The following MACROD2 variants were observed in gnomAD, a reference collection of about 807,000 sequenced individuals.
MACROD2 encodes the protein ADP-ribose glycohydrolase MACROD2.
MACROD2 carries 36 observed loss-of-function variants against 70.4 expected under a neutral mutation model. That is an observed-to-expected ratio of 0.51 (90% CI 0.39 to 0.68). The LOEUF is 0.68. Ranked by LOEUF, MACROD2 falls within the 30% of genes least tolerant of loss-of-function variation. The pLI is 0.00. For missense variants in MACROD2, 496 were observed against 538.4 expected (o/e 0.92, Z 0.78); for synonymous variants, 172 against 178.8 (o/e 0.96, Z 0.30).
rs143253154 is a variant in MACROD2, at chr20:14,514,131, T to C, written c.301+20623T>C. Among the ~76,000 whole-genome samples, 623 of 152,122 alleles carry C rather than the reference T, an allele frequency of 4.1e-3. 3 individuals carry two copies. Among genetic ancestry groups the C allele is most frequent in the African/African-American group, 0.014 (565 of 41,454 alleles). On this transcript the variant is annotated intron_variant, in intron 4 of 17. Transcript: ENST00000684519. ...CAAAATTTCTAGCCTCATTACACTG[T>C]GAGAGACTTAGGACCAGGGGCAGAA... is the stretch of plus-strand genomic sequence containing the variant.
chr20:15,752,293 T>TTTA (rs142009114), intron 8 of MACROD2, among the ~76,000 whole-genome samples: 2,417 of 151,270 alleles, frequency 0.016, 61 homozygotes, highest in African/African-American at 0.051. Flanking sequence ...AACTGCAACC[T>TTTA]TTATTATTAT....
At chr20:15,991,871 A>C (rs529677027) in intron 15 of MACROD2, among the ~76,000 whole-genome samples, 8 of 152,130 alleles carry the variant, frequency 5.3e-5, no homozygotes, top group African/African-American at 1.9e-4. Flanking sequence ...GGTTTTATGA[A>C]TATTTTAGTA....
At chr20:14,749,059 CTT>C (rs1471569701) in intron 5 of MACROD2, among the ~76,000 whole-genome samples, 1 of 152,082 alleles carries the variant, frequency 6.6e-6, no homozygotes, top group African/African-American at 2.4e-5. Context: ...GTCTTTTCCT[CTT>C]TGTGTTTTGT....
At chr20:14,216,700 T>C (rs747785829) in intron 3 of MACROD2, among the ~76,000 whole-genome samples, 1 of 152,136 alleles carries the variant, frequency 6.6e-6, no homozygotes, top group African/African-American at 2.4e-5. Context: ...TTTTGTAGGT[T>C]TCCTTGTAGA....
At chr20:15,236,324 A>G (rs1203901082) in intron 6 of MACROD2, among the ~76,000 whole-genome samples, 2 of 152,174 alleles carry the variant, frequency 1.3e-5, no homozygotes. Flanking sequence ...GCATGGAATG[A>G]TAGTAAATTC....
intron 2 of MACROD2, among the ~76,000 whole-genome samples, chr20:14,027,819 C>G (rs1456681950): frequency 6.6e-6 from 1 of 152,100 alleles, no homozygotes; most frequent in Non-Finnish European, 1.5e-5. Flanking sequence ...CAGATGCCAG[C>G]CGGAGCTCTC....
chr20:14,751,874 G>T (rs951667284), intron 5 of MACROD2, among the ~76,000 whole-genome samples: 5 of 152,018 alleles, frequency 3.3e-5, no homozygotes, highest in Non-Finnish European at 7.4e-5. Context: ...GAAGAACTGG[G>T]GCCAAGAACA....
chr20:15,572,001 C>G (rs1000897104), intron 8 of MACROD2, among the ~76,000 whole-genome samples: 6 of 152,072 alleles, frequency 3.9e-5, no homozygotes, highest in Admixed American at 2.0e-4. Flanking sequence ...CAGCTATTAA[C>G]ATCCCCTGGA....
At position 14,594,737 on chromosome 20, in the gene MACROD2, C is replaced by T. The variant is rs140343646; in HGVS notation, c.302-90106C>T. ...TGAAACCCTGTCTCTATTAAAAATA[C>T]AAAAATTAGCCGGGCATGGTAGGGT... On this transcript the variant is annotated intron_variant, in intron 4 of 17. Transcript: ENST00000684519. Among the ~76,000 whole-genome samples, 168 of 152,176 alleles carry T rather than the reference C, an allele frequency of 1.1e-3. 1 individual carries two copies. The highest frequency in any genetic ancestry group is 3.8e-3 in the African/African-American group (158 of 41,516).
At chr20:15,672,392 GTCAT>G (rs1555858341) in intron 8 of MACROD2, among the ~76,000 whole-genome samples, 1 of 131,288 alleles carries the variant, frequency 7.6e-6, no homozygotes, top group Non-Finnish European at 1.7e-5. Context: ...CACACGTAGA[GTCAT>G]TCATTCACTC....
At chr20:14,359,914 C>T (rs2083206039) in intron 3 of MACROD2, among the ~76,000 whole-genome samples, 2 of 151,520 alleles carry the variant, frequency 1.3e-5, no homozygotes, top group Non-Finnish European at 2.9e-5. Flanking sequence ...GAATACTATT[C>T]AGCTTTGAAA....
chr20:15,219,184 T>C (rs1178883951), intron 5 of MACROD2, among the ~76,000 whole-genome samples: 1 of 152,262 alleles, frequency 6.6e-6, no homozygotes, highest in Non-Finnish European at 1.5e-5. Flanking sequence ...ATAAAATAGT[T>C]AATGATGTTG....
intron 3 of MACROD2, among the ~76,000 whole-genome samples, chr20:14,269,925 T>C (rs1276698492): frequency 1.3e-5 from 2 of 152,104 alleles, no homozygotes; most frequent in African/African-American, 4.8e-5. Context: ...TGGGAAAAAT[T>C]CTTGTTATTG....
At chr20:15,207,486 A>G (rs1267985969) in intron 5 of MACROD2, among the ~76,000 whole-genome samples, 1 of 119,074 alleles carries the variant, frequency 8.4e-6, no homozygotes, top group Non-Finnish European at 1.6e-5. Context: ...TCTGTTGGCC[A>G]GGCTGCAGTG....
At position 14,589,506 on chromosome 20, in the gene MACROD2, G is replaced by T. The variant is rs561382085; in HGVS notation, c.302-95337G>T. On this transcript the variant is annotated intron_variant, in intron 4 of 17. Coordinates refer to ENST00000684519, the MANE Select transcript of MACROD2 (RefSeq NM_001351661.2). Reference sequence around the variant, plus strand: ...TTTATACTTGCTTTTTGTTATCCTTGTCTGTTATACTATTATATTTTCCAG... The same window carrying T: ...TTTATACTTGCTTTTTGTTATCCTTTTCTGTTATACTATTATATTTTCCAG... 2.0e-4 allele frequency among the ~76,000 whole-genome samples: 30 copies of T among 152,050 alleles called. No individual in the cohort carries two copies. The South Asian group carries it at 6.2e-3, about 32-fold the overall frequency.
At chr20:15,362,274 A>G (rs1404585977) in intron 6 of MACROD2, among the ~76,000 whole-genome samples, 8 of 152,022 alleles carry the variant, frequency 5.3e-5, no homozygotes, top group African/African-American at 1.9e-4. Context: ...AATTACAGGC[A>G]TGAACCACCG....
intron 5 of MACROD2, among the ~76,000 whole-genome samples, chr20:15,210,309 G>A (rs374042265): frequency 1.7e-3 from 253 of 152,294 alleles, no homozygotes; most frequent in South Asian, 0.016. Context: ...CAGTGGCAAA[G>A]GTTTATCTGA....
intron 6 of MACROD2, among the ~76,000 whole-genome samples, chr20:15,285,302 A>G (rs1156993282): frequency 2.0e-5 from 3 of 152,190 alleles, no homozygotes; most frequent in East Asian, 1.9e-4. Flanking sequence ...GGTAGAAGAG[A>G]TAACCTCAAA....
At chr20:14,180,574 A>G (rs1227346401) in intron 3 of MACROD2, among the ~76,000 whole-genome samples, 6 of 152,152 alleles carry the variant, frequency 3.9e-5, no homozygotes, top group Non-Finnish European at 8.8e-5. Context: ...TTGTTCAGGC[A>G]TTTAGATTAT....
Sources: allele counts gnomAD v4.1 joint callset (sites outside exome capture counted in the v4.1 genomes callset), GRCh38; gene constraint gnomAD v4.1.1; transcripts MANE v1.5; gene names NCBI Gene and HGNC (gene_info 2026-07-23, HGNC 2026-07-21).